The following LTN1 variants were observed in gnomAD, a reference collection of about 807,000 sequenced individuals.
LTN1 encodes E3 ubiquitin-protein ligase listerin.
A neutral mutation model predicts 201.2 loss-of-function variants in LTN1; 88 were observed. The observed-to-expected ratio is 0.44, with a 90% CI of 0.37 to 0.52. LTN1 has a LOEUF of 0.52. Among genes scored for constraint, LTN1 ranks in the 20% least tolerant of loss-of-function variants. LTN1 has a pLI of 0.00. For missense variants in LTN1, 1,752 were observed against 2,038.7 expected, an observed-to-expected ratio of 0.86 and a Z score of 2.71; for synonymous variants, 645 against 713.5, an observed-to-expected ratio of 0.90 and a Z score of 1.53.
chr21:28,948,869 GT>G (rs2084361904), intron 18 of LTN1, among the ~76,000 whole-genome samples: 1 of 152,156 alleles, frequency 6.6e-6, no homozygotes, highest in African/African-American at 2.4e-5. Flanking sequence ...ACTATTCTGT[GT>G]ATGTATAAAC....
Position 28,986,591 on chromosome 21 carries a change from ACT to A in LTN1, c.246+138_246+139del, listed in dbSNP as rs1245688242. 2 of 689,386 alleles carry A rather than the reference ACT, an allele frequency of 2.9e-6. No homozygotes were observed. Among genetic ancestry groups the A allele is most frequent in the Non-Finnish European group, 4.9e-6 (2 of 411,632 alleles). The allele number at this position is 689,386 out of a possible 1,614,324, so 42.7% of individuals were successfully genotyped here. ...AAAATAAATATCAACTAAGTTTAAGACTCTGTGTCAGAAAAAAGTACAATTAT... is the reference window on the plus strand; with the variant it reads ...AAAATAAATATCAACTAAGTTTAAGACTGTGTCAGAAAAAAGTACAATTAT... On this transcript the variant is annotated intron_variant, in intron 2 of 29. Transcript: ENST00000361371. This position sits in a 1 kb window ranked among gnomAD's most constrained non-coding sequence, Gnocchi z 4.1.
At chr21:28,964,544 T>G in intron 11 of LTN1, 3 of 1,473,400 alleles carry the variant, frequency 2.0e-6, no homozygotes, top group Non-Finnish European at 2.7e-6. Context: ...TTGTGTAACT[T>G]GCTTTATTGC....
chr21:28,940,564 C>T (rs1205829451), intron 25 of LTN1, among the ~76,000 whole-genome samples: 2 of 151,472 alleles, frequency 1.3e-5, no homozygotes, highest in Non-Finnish European at 2.9e-5. Flanking sequence ...CAAACTGACT[C>T]CCTCCGAAAA....
Position 28,969,620 on chromosome 21 carries a change from C to T in LTN1, c.1176-19G>A. 1 of 1,552,212 alleles carries T rather than the reference C, an allele frequency of 6.4e-7. No individual in the cohort carries two copies. The highest frequency in any genetic ancestry group is 8.7e-7 in the Non-Finnish European group (1 of 1,152,072). On this transcript the variant is annotated intron_variant, in intron 8 of 29. Transcript: ENST00000361371. ...TGACAGCCTAAGAAATAATTAATAA[C>T]TGGATTACTCTTTCATGAAGAAGAA...
At position 28,966,384 on chromosome 21, in the gene LTN1, C is replaced by T. The variant is rs769027179; in HGVS notation, c.2107G>A (p.Asp703Asn). ...DNDMERKKVL[D>N]DLTKVDLKWN... ...AACAGGAATACCTTGGTTAGATCAT[C>T]CAAGACTTTTTTTCTTTCCATATCA... Residue 703 changes from aspartate to asparagine, a missense_variant, in exon 10 of 30, where the codon GAT becomes AAT. Around this residue, in one of 3 missense-constraint regions of LTN1, gnomAD observed 1,211 missense variants for 1,312.8 expected, o/e 0.92. Coordinates refer to ENST00000361371, the MANE Select transcript of LTN1 (RefSeq NM_015565.3). The T allele has an allele frequency of 8.7e-6, 14 of 1,607,948 alleles. No homozygotes were observed. In the Middle Eastern group the frequency reaches 1.5e-3, roughly 172 times the overall value.
At chr21:28,992,153 G>A (rs1371272526) in intron 1 of LTN1, among the ~76,000 whole-genome samples, 1 of 152,176 alleles carries the variant, frequency 6.6e-6, no homozygotes. Context: ...CTGAGGTGTC[G>A]AGAGCAAAGT....
intron 17 of LTN1, 133 bp from the exon 18 acceptor site, chr21:28,952,397 T>C: frequency 1.9e-6 from 1 of 526,516 alleles, no homozygotes; most frequent in Non-Finnish European, 3.4e-6. Flanking sequence ...CACCTAAGAC[T>C]TTGCACCCAA....
chr21:28,954,305 C>G (rs1386885510), intron 16 of LTN1, among the ~76,000 whole-genome samples: 1 of 152,168 alleles, frequency 6.6e-6, no homozygotes, highest in African/African-American at 2.4e-5. Flanking sequence ...ATATATTCCC[C>G]CTTCTAGTAA....
At position 28,970,547 on chromosome 21, in the gene LTN1, C is replaced by T. The variant is rs1247635065; in HGVS notation, c.1175+5G>A. 4.4e-6 allele frequency: 7 copies of T among 1,590,088 alleles called. No homozygotes were observed. Among genetic ancestry groups the T allele is most frequent in the Admixed American group, 3.5e-5 (2 of 57,476 alleles). On this transcript the variant is annotated splice_donor_5th_base_variant and intron_variant, in intron 8 of 29. Coordinates refer to ENST00000361371, the MANE Select transcript of LTN1 (RefSeq NM_015565.3). ...TTTTAAAAATCAAAAATTTAAATTA[C>T]TTACCCAGCAACTAGAGACGTGAGG...
chr21:28,985,551 T>C (rs957681372), intron 3 of LTN1, among the ~76,000 whole-genome samples: 14 of 151,592 alleles, frequency 9.2e-5, no homozygotes, highest in Non-Finnish European at 1.8e-4. Context: ...ATAAAATCAC[T>C]ATCAAAATTT....
In LTN1 at chr21:28,986,398, C is replaced by G; in HGVS notation, c.247-161G>C. The stretch of plus-strand genomic sequence containing the variant: ...TGAAGAGCTCTTTCACAGGCTACTA[C>G]GGTAGAAACTCTTCAGTTGTTTTTT... On this transcript the variant is annotated intron_variant, in intron 2 of 29. Coordinates refer to ENST00000361371, the MANE Select transcript of LTN1 (RefSeq NM_015565.3). The surrounding 1 kb of genome is among the most constrained non-coding windows in gnomAD (Gnocchi z 4.1). The G allele has an allele frequency of 1.5e-6, 1 of 684,324 alleles. No individual in the cohort carries two copies. Among genetic ancestry groups the G allele is most frequent in the Non-Finnish European group, 2.6e-6 (1 of 381,390 alleles). 42.4% of individuals were successfully genotyped at this position (684,324 alleles called of 1,614,324 possible).
rs768709019 is a variant in LTN1 at position 28,944,435 on chromosome 21, A to C, written c.3930T>G (p.Phe1310Leu). Residue 1310 changes from phenylalanine to leucine, a missense_variant, in exon 22 of 30, where the codon TTT becomes TTG. This residue lies in a region of LTN1 where 1,211 missense variants were observed against 1,312.8 expected (regional missense o/e 0.92). Transcript: ENST00000361371. ...PVNLISEWKEFFSQGIHSLLL... is the reference protein window; with the variant it reads ...PVNLISEWKELFSQGIHSLLL... ...GCAAACTGTGGATGCCTTGGGAAAAAAATTCTTTCCATTCACTGATTAGAT... is the reference window on the plus strand; with the variant it reads ...GCAAACTGTGGATGCCTTGGGAAAACAATTCTTTCCATTCACTGATTAGAT... 2 of 1,614,064 alleles carry C rather than the reference A, an allele frequency of 1.2e-6. No homozygotes were observed. Among genetic ancestry groups the C allele is most frequent in the East Asian group, 2.2e-5 (1 of 44,870 alleles).
At chr21:28,949,444 A>G (rs796182340) in intron 18 of LTN1, among the ~76,000 whole-genome samples, 56 of 152,312 alleles carry the variant, frequency 3.7e-4, no homozygotes, top group African/African-American at 1.1e-3. Context: ...TTGTGCAACT[A>G]ATCTCCAGAA....
At chr21:28,983,779 G>A (rs2084676335) in intron 4 of LTN1, among the ~76,000 whole-genome samples, 1 of 152,158 alleles carries the variant, frequency 6.6e-6, no homozygotes, top group South Asian at 2.1e-4. Context: ...TACTAAATAA[G>A]GGAATAAATG....
In LTN1 at chr21:28,986,958, A is replaced by T; in HGVS notation, c.43-24T>A. ...GGCTGATAAGAAAATTACGGAGAAAAAAGTCAGAGTCCAGGAAGGGTTCAA... is the reference window on the plus strand; with the variant it reads ...GGCTGATAAGAAAATTACGGAGAAATAAGTCAGAGTCCAGGAAGGGTTCAA... On this transcript the variant is annotated intron_variant, in intron 1 of 29. Coordinates refer to ENST00000361371, the MANE Select transcript of LTN1 (RefSeq NM_015565.3). This position sits in a 1 kb window ranked among gnomAD's most constrained non-coding sequence, Gnocchi z 4.1. 6.4e-7 allele frequency: 1 copy of T among 1,554,958 alleles called. No individual in the cohort carries two copies. Among genetic ancestry groups the T allele is most frequent in the Non-Finnish European group, 8.9e-7 (1 of 1,126,276 alleles).
intron 6 of LTN1, among the ~76,000 whole-genome samples, chr21:28,972,983 T>C (rs1417308436): frequency 2.0e-5 from 3 of 152,168 alleles, no homozygotes; most frequent in African/African-American, 7.2e-5. Context: ...TCAGAAGACA[T>C]GGAATAGTAT....
In LTN1 at chr21:28,984,886, C is replaced by T; in HGVS notation, c.382G>A (p.Ala128Thr). Residue 128 changes from alanine (A) to threonine (T), a missense_variant, in exon 4 of 30, where the codon GCT becomes ACT. This residue lies in a region of LTN1 where 280 missense variants were observed against 375.7 expected (regional missense o/e 0.75). Transcript: ENST00000361371. ...ACTTTAAGGATAAGTTTTTCAAAAG[C>T]TTGTTGTGTGGCTTCTCGGACGCGA... is the stretch of plus-strand genomic sequence containing the variant. ...DRRVREATQQ[A>T]FEKLILKVKK... 2 of 1,613,936 alleles carry T rather than the reference C, an allele frequency of 1.2e-6. No individual in the cohort carries two copies. Among genetic ancestry groups the T allele is most frequent in the Non-Finnish European group, 8.5e-7 (1 of 1,179,938 alleles).
At chr21:28,945,068 A>G (rs1347106454) in intron 21 of LTN1, among the ~76,000 whole-genome samples, 3 of 152,138 alleles carry the variant, frequency 2.0e-5, no homozygotes, top group African/African-American at 4.8e-5. Flanking sequence ...CCAAAAATAT[A>G]AAAATTAGTC....
intron 3 of LTN1, among the ~76,000 whole-genome samples, chr21:28,985,710 A>G (rs1316450229): frequency 6.7e-6 from 1 of 148,154 alleles, no homozygotes; most frequent in Non-Finnish European, 1.5e-5. Context: ...TCCAGGCTGG[A>G]GTGCAGTGGT....
Sources: allele counts gnomAD v4.1 joint callset (sites outside exome capture counted in the v4.1 genomes callset), GRCh38; gene constraint gnomAD v4.1.1; regional missense constraint gnomAD v4.1.1; non-coding constraint Gnocchi (gnomAD v3.1); transcripts MANE v1.5; gene names NCBI Gene and HGNC (gene_info 2026-07-23, HGNC 2026-07-21).